The following RABGAP1 variants were observed in gnomAD, a reference collection of about 807,000 sequenced individuals.
The protein encoded by RABGAP1 is rab GTPase-activating protein 1.
A neutral mutation model predicts 137.6 loss-of-function variants in RABGAP1; 23 were observed. The ratio of observed to expected loss-of-function variants is 0.17; its 90% CI spans 0.12 to 0.24. RABGAP1 has a LOEUF of 0.24. Ranked by LOEUF, RABGAP1 falls within the 10% of genes least tolerant of loss-of-function variation. RABGAP1 has a pLI of 1.00. For missense variants in RABGAP1, 906 were observed against 1,275.8 expected (o/e 0.71, Z 4.42); for synonymous variants, 451 against 450.7 (o/e 1.00, Z -0.01).
intron 2 of RABGAP1, among the ~76,000 whole-genome samples, chr9:122,962,737 A>G (rs1588175011): frequency 6.6e-6 from 1 of 152,182 alleles, no homozygotes; most frequent in Admixed American, 6.5e-5. Flanking sequence ...AGCTATATCA[A>G]TAATAATACT....
intron 19 of RABGAP1, among the ~76,000 whole-genome samples, chr9:123,088,667 G>A (rs1321570933): frequency 6.6e-6 from 1 of 152,094 alleles, no homozygotes; most frequent in Non-Finnish European, 1.5e-5. Context: ...CAGCTTGGGT[G>A]ATAGAGATCC....
intron 13 of RABGAP1, among the ~76,000 whole-genome samples, chr9:123,058,544 GA>G (rs1293980175): frequency 3.4e-5 from 2 of 58,094 alleles, no homozygotes; most frequent in Non-Finnish European, 1.4e-4. Flanking sequence ...CCAAAAGTTA[GA>G]TTTTTTTTTT....
chr9:122,964,736 C>G (rs570765721), intron 2 of RABGAP1, among the ~76,000 whole-genome samples: 38 of 152,254 alleles, frequency 2.5e-4, no homozygotes, highest in African/African-American at 9.1e-4. Flanking sequence ...TGCTTGTAAT[C>G]CCAGCACTTT....
intron 23 of RABGAP1, 77 bp downstream of exon 23, chr9:123,098,875 A>G (rs1185960784): frequency 9.9e-6 from 6 of 608,476 alleles, no homozygotes; most frequent in Non-Finnish European, 1.5e-5. Flanking sequence ...CCCGCCCCCC[A>G]CCCCCAAACC....
chr9:122,945,679 G>A (rs1305838400), intron 1 of RABGAP1, among the ~76,000 whole-genome samples: 1 of 152,122 alleles, frequency 6.6e-6, no homozygotes, highest in Non-Finnish European at 1.5e-5. Flanking sequence ...CAGCATTTGT[G>A]TTATAAACTA....
intron 13 of RABGAP1, among the ~76,000 whole-genome samples, chr9:123,023,120 C>G (rs1236200734): frequency 6.6e-6 from 1 of 152,144 alleles, no homozygotes; most frequent in East Asian, 1.9e-4. Flanking sequence ...AATACCCTTA[C>G]TACACCCCTG....
chr9:123,006,548 T>G (rs752991502), intron 10 of RABGAP1, among the ~76,000 whole-genome samples: 1 of 152,222 alleles, frequency 6.6e-6, no homozygotes, highest in Non-Finnish European at 1.5e-5. Flanking sequence ...GGTATTTATA[T>G]TCTGTTCCTC....
chr9:122,941,406 C>T (rs1833556999), intron 1 of RABGAP1, among the ~76,000 whole-genome samples: 1 of 152,234 alleles, frequency 6.6e-6, no homozygotes, highest in South Asian at 2.1e-4. Context: ...CCCTCTGGTC[C>T]CCCAGCAAAG....
At chr9:123,064,254 A>G (rs913256821) in intron 13 of RABGAP1, among the ~76,000 whole-genome samples, 17 of 152,190 alleles carry the variant, frequency 1.1e-4, no homozygotes, top group Admixed American at 6.5e-5. Context: ...CTGAGCTGCC[A>G]TTAACTGTTA....
intron 6 of RABGAP1, among the ~76,000 whole-genome samples, chr9:122,994,377 G>A (rs1420147553): frequency 6.6e-6 from 1 of 152,190 alleles, no homozygotes. Context: ...ATAGAGACCA[G>A]TGTATCTATT....
chr9:123,047,961 G>A (rs1341091301), intron 13 of RABGAP1, among the ~76,000 whole-genome samples: 2 of 85,152 alleles, frequency 2.3e-5, no homozygotes, highest in South Asian at 4.0e-4. Context: ...TTTTTGAGAC[G>A]GAGTCTTGCT....
intron 13 of RABGAP1, chr9:123,035,034 C>G: frequency 2.5e-6 from 4 of 1,613,964 alleles, no homozygotes; most frequent in Non-Finnish European, 3.4e-6. Context: ...TTTGGCTATA[C>G]TCGACCCTGG....
the RABGAP1 span, among the ~76,000 whole-genome samples, chr9:122,935,103 A>AT: frequency 1.1e-4 from 17 of 151,900 alleles, no homozygotes; most frequent in African/African-American, 1.5e-4. Flanking sequence ...GTGTTAGTTG[A>AT]TTTTTTTATC....
chr9:123,062,692 A>G (rs2034022646), intron 13 of RABGAP1: 1 of 152,170 alleles, frequency 6.6e-6, no homozygotes, highest in African/African-American at 2.4e-5. Flanking sequence ...TGGGATGGCA[A>G]ATTGACAAGA....
At chr9:122,969,919 CAG>C (rs1835384685) in intron 2 of RABGAP1, among the ~76,000 whole-genome samples, 1 of 152,006 alleles carries the variant, frequency 6.6e-6, no homozygotes. Flanking sequence ...TTTGTTGAGA[CAG>C]AGTTTTGCTC....
At chr9:123,074,218 A>G (rs1254485959) in intron 16 of RABGAP1, 67 bp from the exon 17 acceptor site, 1 of 1,578,258 alleles carries the variant, frequency 6.3e-7, no homozygotes, top group Non-Finnish European at 8.6e-7. Context: ...TGGTAGATTT[A>G]TGAGCCTCCT....
At chr9:123,100,699 G>T (rs2035320425) in intron 24 of RABGAP1, among the ~76,000 whole-genome samples, 1 of 152,170 alleles carries the variant, frequency 6.6e-6, no homozygotes, top group African/African-American at 2.4e-5. Context: ...GATTACAGCT[G>T]TGAGCCACTG....
chr9:123,054,890 T>G (rs2211425), intron 13 of RABGAP1, among the ~76,000 whole-genome samples: 57,126 of 152,036 alleles, frequency 0.38, 17,889 homozygotes, highest in African/African-American at 0.83. Flanking sequence ...ATGACATTAA[T>G]GGTACATGCT....
chr9:122,971,198 C>T (rs748423233), intron 2 of RABGAP1, among the ~76,000 whole-genome samples: 4 of 152,234 alleles, frequency 2.6e-5, no homozygotes, highest in Non-Finnish European at 5.9e-5. Flanking sequence ...AGGAAACTTA[C>T]ATTTCTTAGC....
Sources: allele counts gnomAD v4.1 joint callset (sites outside exome capture counted in the v4.1 genomes callset), GRCh38; gene constraint gnomAD v4.1.1; transcripts MANE v1.5; gene names NCBI Gene and HGNC (gene_info 2026-07-23, HGNC 2026-07-21).